The following COL24A1 variants were observed in gnomAD, a reference collection of about 807,000 sequenced individuals.
The protein encoded by COL24A1 is collagen type XXIV alpha 1 chain.
COL24A1 carries 224 observed loss-of-function variants against 253.9 expected under a neutral mutation model. The ratio of observed to expected loss-of-function variants is 0.88; its 90% CI spans 0.79 to 0.99. COL24A1 has a LOEUF of 0.99. Among genes scored for constraint, COL24A1 ranks in the 50% least tolerant of loss-of-function variants. COL24A1 has a pLI of 0.00. For synonymous variants in COL24A1, 685 were observed against 673.7 expected (o/e 1.02, Z -0.26); for missense variants, 2,131 against 2,068.5 (o/e 1.03, Z -0.59).
intron 6 of COL24A1, 29 bp downstream of exon 6, chr1:86,092,238 A>G (rs773668310): frequency 6.6e-7 from 1 of 1,517,582 alleles, no homozygotes; most frequent in African/African-American, 1.4e-5. Flanking sequence ...ATATATTACC[A>G]TAATTTCATT....
intron 23 of COL24A1, among the ~76,000 whole-genome samples, chr1:85,961,794 A>G (rs191611819): frequency 1.3e-5 from 2 of 152,288 alleles, no homozygotes; most frequent in Non-Finnish European, 2.9e-5. Context: ...GAGTGAGAGC[A>G]AAGGGTGAAG....
At chr1:85,740,772 T>C (rs1664525284) in intron 57 of COL24A1, among the ~76,000 whole-genome samples, 1 of 149,464 alleles carries the variant, frequency 6.7e-6, no homozygotes, top group African/African-American at 2.4e-5. Context: ...GCACCTGGCC[T>C]GCCTTCTCTC....
intron 37 of COL24A1, among the ~76,000 whole-genome samples, chr1:85,853,282 C>T (rs1678007473): frequency 6.6e-6 from 1 of 152,192 alleles, no homozygotes; most frequent in Non-Finnish European, 1.5e-5. Flanking sequence ...ATCCATGTTG[C>T]TGGTTAAGGA....
intron 14 of COL24A1, 92 bp downstream of exon 14, chr1:86,031,786 C>T: frequency 2.0e-6 from 2 of 980,522 alleles, no homozygotes; most frequent in Non-Finnish European, 3.0e-6. Context: ...AGTAAAACCT[C>T]TCATTTCCCT....
Position 86,124,929 on chromosome 1 carries a change from A to C in COL24A1, c.1407T>G (p.Leu469=). Reference sequence around the variant, plus strand: ...GATCCTCATAATAATAATAATCATAAAGCTCAGTTTCATAGCTATTTTCGA... The same window carrying C: ...GATCCTCATAATAATAATAATCATACAGCTCAGTTTCATAGCTATTTTCGA... ...YPIENSYETE[L]YDYYYYEDLN... Residue 469 remains leucine (L), a synonymous_variant, in exon 3 of 60, where the codon CTT becomes CTG. Coordinates refer to ENST00000370571, the MANE Select transcript of COL24A1 (RefSeq NM_152890.7). 1 of 1,612,306 alleles carries C rather than the reference A, an allele frequency of 6.2e-7. No individual in the cohort carries two copies.
chr1:86,083,593 A>G (rs1011901715), intron 7 of COL24A1, among the ~76,000 whole-genome samples: 3 of 152,082 alleles, frequency 2.0e-5, no homozygotes, highest in African/African-American at 7.2e-5. Context: ...TGGACTAACA[A>G]TCGCGCATAA....
chr1:86,108,784 G>A (rs908283152), intron 5 of COL24A1, among the ~76,000 whole-genome samples: 1 of 148,780 alleles, frequency 6.7e-6, no homozygotes, highest in African/African-American at 2.5e-5. Flanking sequence ...TCCAGCCTGG[G>A]CAACAGGAGC....
At chr1:85,873,036 A>G (rs968184005) in intron 35 of COL24A1, among the ~76,000 whole-genome samples, 3 of 152,222 alleles carry the variant, frequency 2.0e-5, no homozygotes, top group African/African-American at 7.2e-5. Context: ...ATATGAACAG[A>G]CACTTCTCAA....
intron 24 of COL24A1, among the ~76,000 whole-genome samples, chr1:85,924,702 G>A (rs2134412): frequency 0.26 from 39,080 of 151,916 alleles, 5,973 homozygotes; most frequent in East Asian, 0.35. Context: ...TGACAAACCC[G>A]CAGCCAATAT....
chr1:85,759,026 A>T (rs1021396021), intron 55 of COL24A1, among the ~76,000 whole-genome samples: 2 of 152,120 alleles, frequency 1.3e-5, no homozygotes, highest in African/African-American at 4.8e-5. Context: ...TGCTCTAAAA[A>T]TAATCCTGAA....
intron 24 of COL24A1, among the ~76,000 whole-genome samples, chr1:85,948,213 T>G (rs946758602): frequency 3.9e-5 from 6 of 152,148 alleles, no homozygotes; most frequent in Non-Finnish European, 8.8e-5. Flanking sequence ...TTATTTACCA[T>G]GAACTTTTTG....
At chr1:85,766,098 G>T (rs1429901727) in intron 53 of COL24A1, among the ~76,000 whole-genome samples, 2 of 152,006 alleles carry the variant, frequency 1.3e-5, no homozygotes, top group Non-Finnish European at 2.9e-5. Flanking sequence ...GGGTGCGGTG[G>T]CTTATGCCTC....
At chr1:85,772,200 T>C (rs1352209062) in intron 53 of COL24A1, among the ~76,000 whole-genome samples, 1 of 151,934 alleles carries the variant, frequency 6.6e-6, no homozygotes, top group Admixed American at 6.6e-5. Flanking sequence ...AGTCTATCAT[T>C]GTTGGACATT....
intron 3 of COL24A1, among the ~76,000 whole-genome samples, chr1:86,124,269 G>A (rs749966518): frequency 9.2e-5 from 14 of 151,588 alleles, no homozygotes; most frequent in Non-Finnish European, 1.9e-4. Context: ...TTCTTTTTGT[G>A]TTAGGCAAGG....
At chr1:85,989,837 T>C (rs973076430) in intron 19 of COL24A1, among the ~76,000 whole-genome samples, 9 of 152,226 alleles carry the variant, frequency 5.9e-5, no homozygotes, top group Admixed American at 3.9e-4. Flanking sequence ...ATGTTTTAAC[T>C]AGACGACTGA....
At chr1:86,148,572 TC>T (rs1430784083) in intron 1 of COL24A1, among the ~76,000 whole-genome samples, 3 of 151,868 alleles carry the variant, frequency 2.0e-5, no homozygotes, top group Non-Finnish European at 4.4e-5. Context: ...ATTGTTCAAT[TC>T]CCACCTATGA....
chr1:86,108,474 A>G (rs1417268651), intron 5 of COL24A1, among the ~76,000 whole-genome samples: 1 of 151,754 alleles, frequency 6.6e-6, no homozygotes, highest in African/African-American at 2.4e-5. Flanking sequence ...TGAAACAGCA[A>G]CAGAGCTTAT....
At chr1:85,781,910 T>G (rs991844454) in intron 51 of COL24A1, among the ~76,000 whole-genome samples, 1 of 152,246 alleles carries the variant, frequency 6.6e-6, no homozygotes, top group African/African-American at 2.4e-5. Flanking sequence ...GAAGAGAGTC[T>G]ATAATTTCTC....
chr1:85,764,363 A>G (rs1331861423), intron 53 of COL24A1, among the ~76,000 whole-genome samples: 1 of 151,960 alleles, frequency 6.6e-6, no homozygotes, highest in Non-Finnish European at 1.5e-5. Context: ...AGTGAGCACC[A>G]CAAGTCATAG....
Sources: gnomAD v4.1 joint callset for allele counts (sites outside exome capture counted in the v4.1 genomes callset) on GRCh38, gnomAD v4.1.1 for gene constraint, MANE v1.5 for transcripts, NCBI Gene and HGNC (gene_info 2026-07-23, HGNC 2026-07-21) for gene names.